Variants in ADAMTS17 observed in about 807,000 individuals in gnomAD.
ADAMTS17 encodes A disintegrin and metalloproteinase with thrombospondin motifs 17.
In ADAMTS17, 113 loss-of-function variants were observed where a neutral mutation model predicts 141.5. The observed-to-expected ratio is 0.80, with a 90% CI of 0.69 to 0.93. The LOEUF (loss-of-function observed/expected upper bound fraction) is 0.93, where lower values mean the gene tolerates loss of function less well. ADAMTS17 is among the 40% of genes least tolerant of loss of function. ADAMTS17 has a pLI of 0.00. For synonymous variants in ADAMTS17, 768 were observed against 630.6 expected, an observed-to-expected ratio of 1.22 and a Z score of -3.27; for missense variants, 1,659 against 1,517.9, an observed-to-expected ratio of 1.09 and a Z score of -1.54.
intron 3 of ADAMTS17, among the ~76,000 whole-genome samples, chr15:100,329,399 G>A (rs2045982449): frequency 6.6e-6 from 1 of 152,020 alleles, no homozygotes; most frequent in African/African-American, 2.4e-5. Flanking sequence ...GCCAGGTGTG[G>A]TGGTGCACGC....
At chr15:100,321,864 T>C (rs867834703) in intron 3 of ADAMTS17, among the ~76,000 whole-genome samples, 32 of 152,192 alleles carry the variant, frequency 2.1e-4, no homozygotes, top group Admixed American at 5.9e-4. Flanking sequence ...AACACAACAA[T>C]TAGAAAATAT....
In ADAMTS17 at chr15:100,096,448, G is replaced by A; in HGVS notation, c.2045C>T (p.Ser682Phe). Residue 682 changes from serine to phenylalanine, a missense_variant, in exon 15 of 22, where the codon TCT (serine) becomes TTT (phenylalanine). Transcript: ENST00000268070. ...CCCGCATCTGTCCTCTTTGGCTGCA[G>A]ACCCGATGATGCCGTCACAGCCGAT... ...QKIGCDGIIG[S>F]AAKEDRCGVC... The A allele has an allele frequency of 6.2e-7, 1 of 1,614,140 alleles. No homozygotes were observed. Among genetic ancestry groups the A allele is most frequent in the East Asian group, 2.2e-5 (1 of 44,860 alleles).
chr15:100,237,981 T>C (rs2042710976), intron 7 of ADAMTS17, among the ~76,000 whole-genome samples: 1 of 152,044 alleles, frequency 6.6e-6, no homozygotes, highest in Admixed American at 6.6e-5. Flanking sequence ...GAAGAAAGAC[T>C]CAAATCCAGG....
intron 2 of ADAMTS17, among the ~76,000 whole-genome samples, chr15:100,333,248 T>A (rs111678134): frequency 6.6e-5 from 10 of 152,150 alleles, no homozygotes; most frequent in Non-Finnish European, 1.2e-4. Flanking sequence ...TCAGAATTAT[T>A]CCTCCTGTTT....
At chr15:100,236,300 A>AC (rs398028530) in intron 7 of ADAMTS17, among the ~76,000 whole-genome samples, 2 of 148,346 alleles carry the variant, frequency 1.3e-5, no homozygotes, top group African/African-American at 5.0e-5. Context: ...AAAAAAAAAA[A>AC]CCCTAACAAG....
intron 7 of ADAMTS17, among the ~76,000 whole-genome samples, chr15:100,204,809 A>T (rs2041469053): frequency 6.6e-6 from 1 of 152,198 alleles, no homozygotes; most frequent in Admixed American, 6.5e-5. Flanking sequence ...GCTGAGGCGG[A>T]AGGGGCTGGG....
intron 6 of ADAMTS17, chr15:100,256,519 A>G (rs2141974201): frequency 6.6e-6 from 1 of 152,324 alleles, no homozygotes; most frequent in South Asian, 2.1e-4. Context: ...CGAGCGTGGG[A>G]AGCCTGGGAG....
At chr15:100,331,963 G>T (rs1160180299) in intron 2 of ADAMTS17, among the ~76,000 whole-genome samples, 1 of 148,304 alleles carries the variant, frequency 6.7e-6, no homozygotes, top group Non-Finnish European at 1.5e-5. Flanking sequence ...ACTCACTTAA[G>T]CCAAATGAGA....
chr15:100,099,246 G>A (rs1263740352), intron 14 of ADAMTS17, among the ~76,000 whole-genome samples: 3 of 152,172 alleles, frequency 2.0e-5, no homozygotes, highest in Non-Finnish European at 4.4e-5. Flanking sequence ...TCTGCATCTG[G>A]AGACAGGGAA....
intron 7 of ADAMTS17, among the ~76,000 whole-genome samples, chr15:100,236,896 A>G (rs1376249286): frequency 6.6e-6 from 1 of 152,168 alleles, no homozygotes; most frequent in African/African-American, 2.4e-5. Context: ...CTCTGCCCCC[A>G]AAACAGAGCC....
intron 10 of ADAMTS17, among the ~76,000 whole-genome samples, chr15:100,147,202 C>T (rs969809312): frequency 2.0e-5 from 3 of 152,118 alleles, no homozygotes; most frequent in Non-Finnish European, 4.4e-5. Flanking sequence ...GGACGCCCAG[C>T]TTTAAAAATT....
chr15:100,193,616 G>A (rs1048964043), intron 8 of ADAMTS17, among the ~76,000 whole-genome samples: 4 of 152,330 alleles, frequency 2.6e-5, no homozygotes, highest in African/African-American at 7.2e-5. Flanking sequence ...TCCTCCCCGA[G>A]AGTGAGCGCA....
rs1331470146 is a variant in ADAMTS17 at position 100,237,613 on chromosome 15, C to T, written c.1075+16523G>A. ...AATACACAAGTAGGGAAAGGAGGAA[C>T]GCTGAGGTTTTTTGTTTTTGTTTTT... On this transcript the variant is annotated intron_variant, in intron 7 of 21. Coordinates refer to ENST00000268070, the MANE Select transcript of ADAMTS17 (RefSeq NM_139057.4). Among the ~76,000 whole-genome samples, 6 of 152,148 alleles carry T rather than the reference C, an allele frequency of 3.9e-5. No individual in the cohort carries two copies. The East Asian group carries it at 5.8e-4, about 15-fold the overall frequency.
rs968571682 is a variant in ADAMTS17 at position 100,281,284 on chromosome 15, A to G, written c.734T>C (p.Val245Ala). The G allele has an allele frequency of 6.2e-7, 1 of 1,608,368 alleles. No homozygotes were observed. Among genetic ancestry groups the G allele is most frequent in the Non-Finnish European group, 8.5e-7 (1 of 1,179,912 alleles). ...GGCGGCCTCGGCCCCGTGGTACTGC[A>G]CCATGTCGGCGTCGGCCACCACCAG... ...ETLVVADADM[V>A]QYHGAEAAQR... The change falls in exon 4 of 22, where the codon GTG becomes GCG. Residue 245 changes from valine to alanine, a missense_variant. Transcript: ENST00000268070.
chr15:100,269,202 C>A (rs911688138), intron 4 of ADAMTS17, among the ~76,000 whole-genome samples: 9 of 152,212 alleles, frequency 5.9e-5, no homozygotes, highest in African/African-American at 2.2e-4. Flanking sequence ...AAATACCTTT[C>A]TGGACAGCAG....
At chr15:100,221,141 G>T (rs957832983) in intron 7 of ADAMTS17, among the ~76,000 whole-genome samples, 1 of 151,748 alleles carries the variant, frequency 6.6e-6, no homozygotes, top group African/African-American at 2.4e-5. Flanking sequence ...AAACGCTTAT[G>T]TGTTTTTTTT....
chr15:100,296,736 T>C (rs2044836360), intron 3 of ADAMTS17, among the ~76,000 whole-genome samples: 1 of 152,224 alleles, frequency 6.6e-6, no homozygotes, highest in Non-Finnish European at 1.5e-5. Flanking sequence ...GACCCATGCC[T>C]GCATTCTTGA....
chr15:100,153,499 A>C (rs2039287943), intron 9 of ADAMTS17, among the ~76,000 whole-genome samples: 1 of 152,144 alleles, frequency 6.6e-6, no homozygotes, highest in South Asian at 2.1e-4. Flanking sequence ...CAAATTAGCC[A>C]GGCATGGTTG....
chr15:99,977,844 C>G (rs1473249632), intron 20 of ADAMTS17, among the ~76,000 whole-genome samples: 1 of 152,156 alleles, frequency 6.6e-6, no homozygotes, highest in East Asian at 1.9e-4. Flanking sequence ...GGTCTCTTCT[C>G]CCTTACATTG....
Sources: allele counts gnomAD v4.1 joint callset (sites outside exome capture counted in the v4.1 genomes callset), GRCh38; gene constraint gnomAD v4.1.1; transcripts MANE v1.5; gene names NCBI Gene and HGNC (gene_info 2026-07-23, HGNC 2026-07-21).